Variants in FBP1 observed in about 807,000 individuals in gnomAD.
The protein encoded by FBP1 is fructose-bisphosphatase 1.
In FBP1, 22 loss-of-function variants were observed where a neutral mutation model predicts 29.9. The ratio of observed to expected loss-of-function variants is 0.74; its 90% confidence interval spans 0.53 to 1.05. The LOEUF is 1.05. Ranked by LOEUF, FBP1 falls within the 50% of genes least tolerant of loss-of-function variation. The pLI is 0.00. For synonymous variants in FBP1, 175 were observed against 178.6 expected (o/e 0.98, Z 0.16); for missense variants, 345 against 448.2 (o/e 0.77, Z 2.08).
intron 3 of FBP1, among the ~76,000 whole-genome samples, chr9:94,613,633 T>C (rs936014665): frequency 6.6e-6 from 1 of 151,880 alleles, no homozygotes; most frequent in Non-Finnish European, 1.5e-5. Flanking sequence ...CCAGGTGTGG[T>C]GGTGCACCTG....
At chr9:94,612,549 A>ATTTTTTT (rs561246840) in intron 3 of FBP1, among the ~76,000 whole-genome samples, 3 of 108,028 alleles carry the variant, frequency 2.8e-5, no homozygotes, top group Non-Finnish European at 3.7e-5. Context: ...CCAGCCCCCA[A>ATTTTTTT]TTTTTTTTTT....
intron 1 of FBP1, among the ~76,000 whole-genome samples, chr9:94,637,729 A>G (rs2131507615): frequency 6.6e-6 from 1 of 151,920 alleles, no homozygotes; most frequent in South Asian, 2.1e-4. Context: ...AAGTGCGGGG[A>G]ATGTTAGTAA....
intron 3 of FBP1, among the ~76,000 whole-genome samples, chr9:94,614,498 C>A (rs1827835022): frequency 6.6e-6 from 1 of 152,112 alleles, no homozygotes; most frequent in Admixed American, 6.6e-5. Flanking sequence ...TGAGATGGCG[C>A]CACTGCACTC....
chr9:94,639,026 A>T (rs1828241264), intron 1 of FBP1, 115 bp downstream of exon 1: 3 of 1,048,626 alleles, frequency 2.9e-6, no homozygotes, highest in Non-Finnish European at 4.3e-6. Flanking sequence ...CTCAGACATC[A>T]GACGGACAGA....
chr9:94,613,635 G>T (rs544013544), intron 3 of FBP1, among the ~76,000 whole-genome samples: 1 of 152,214 alleles, frequency 6.6e-6, no homozygotes, highest in South Asian at 2.1e-4. Context: ...AGGTGTGGTG[G>T]TGCACCTGTA....
intron 2 of FBP1, among the ~76,000 whole-genome samples, chr9:94,618,222 A>G (rs1206020789): frequency 6.6e-6 from 1 of 152,134 alleles, no homozygotes; most frequent in Admixed American, 6.6e-5. Flanking sequence ...GTAAGGAAAA[A>G]AATAATTCCT....
chr9:94,606,659 C>G (rs1827704467), intron 5 of FBP1, among the ~76,000 whole-genome samples, 156 bp downstream of exon 5: 3 of 152,152 alleles, frequency 2.0e-5, no homozygotes, highest in African/African-American at 7.2e-5. Context: ...AAGTCATCAA[C>G]CAATAGATTT....
intron 1 of FBP1, among the ~76,000 whole-genome samples, chr9:94,626,172 G>A (rs1255657778): frequency 6.6e-6 from 1 of 152,346 alleles, no homozygotes; most frequent in African/African-American, 2.4e-5. Flanking sequence ...TCTTTGAAGT[G>A]TAAGAGAACA....
intron 1 of FBP1, among the ~76,000 whole-genome samples, chr9:94,627,941 C>T (rs1380209912): frequency 2.6e-5 from 4 of 152,198 alleles, no homozygotes; most frequent in Admixed American, 6.5e-5. Flanking sequence ...AGCTCCCTTC[C>T]CCTACCTCCC....
chr9:94,610,954 C>T (rs1238810898), intron 3 of FBP1, among the ~76,000 whole-genome samples: 9 of 151,744 alleles, frequency 5.9e-5, no homozygotes, highest in African/African-American at 1.5e-4. Context: ...AGCTCCGCCT[C>T]GCGGGTTCAC....
At chr9:94,609,899 A>C in intron 4 of FBP1, 22 bp downstream of exon 4, 1 of 1,613,702 alleles carries the variant, frequency 6.2e-7, no homozygotes, top group Non-Finnish European at 8.5e-7. Context: ...CCAAGCCCCC[A>C]GCCTCCTGTG....
intron 3 of FBP1, among the ~76,000 whole-genome samples, chr9:94,617,477 C>G (rs1202077046): frequency 3.3e-5 from 5 of 152,194 alleles, no homozygotes; most frequent in Non-Finnish European, 7.3e-5. Flanking sequence ...TACTTACCCT[C>G]TACTGCCTCT....
chr9:94,626,670 A>AG, intron 1 of FBP1, among the ~76,000 whole-genome samples: 1 of 152,302 alleles, frequency 6.6e-6, no homozygotes, highest in East Asian at 1.9e-4. Context: ...GAGAGGAAAA[A>AG]TTCCTCAGAA....
In FBP1 at chr9:94,618,398, A is replaced by T. The variant is rs555951456; in HGVS notation, c.334-538T>A. 4.9e-4 allele frequency among the ~76,000 whole-genome samples: 67 copies of T among 137,838 alleles called. 1 individual carries two copies. The highest frequency in any genetic ancestry group is 4.6e-4 in the East Asian group (2 of 4,316). 90.4% of individuals were successfully genotyped at this position (137,838 alleles called of 152,430 possible). A position where few individuals can be genotyped will look rare whatever the true frequency, so the allele number is the denominator to read the frequency against. On this transcript the variant is annotated intron_variant, in intron 2 of 6. Transcript: ENST00000375326. ...CACTTTGGGAGGCTAAGACAGGAGG[A>T]TTGCTTGAGCCCAGGAGTTTGAGAC...
rs191407638 is a variant in FBP1 at position 94,618,160 on chromosome 9, T to C, written c.334-300A>G. ...AATCAAATCATAATTTTGCATTGAGTTTCCTGGCAGCCAAAGGAAAAAGAA... is the reference window on the plus strand; with the variant it reads ...AATCAAATCATAATTTTGCATTGAGCTTCCTGGCAGCCAAAGGAAAAAGAA... On this transcript the variant is annotated intron_variant, in intron 2 of 6. Transcript: ENST00000375326. Among the ~76,000 whole-genome samples, 6 of 152,030 alleles carry C rather than the reference T, an allele frequency of 3.9e-5. No homozygotes were observed. The East Asian group carries it at 1.2e-3, about 29-fold the overall frequency.
intron 1 of FBP1, among the ~76,000 whole-genome samples, chr9:94,637,520 TC>T (rs1329134389): frequency 2.0e-5 from 3 of 151,316 alleles, no homozygotes; most frequent in Non-Finnish European, 4.4e-5. Flanking sequence ...TTCCTCAGCC[TC>T]CCGAGTAGCT....
At chr9:94,618,707 G>A (rs375131927) in intron 2 of FBP1, among the ~76,000 whole-genome samples, 2 of 152,074 alleles carry the variant, frequency 1.3e-5, no homozygotes. Flanking sequence ...AGTGGTAGTG[G>A]GAATACCGCA....
intron 1 of FBP1, among the ~76,000 whole-genome samples, chr9:94,625,420 C>G (rs2131495505): frequency 6.6e-6 from 1 of 152,272 alleles, no homozygotes; most frequent in East Asian, 1.9e-4. Context: ...GGCCCGCATC[C>G]ACCAAGCCAT....
chr9:94,622,226 T>C (rs1827959856), intron 1 of FBP1, among the ~76,000 whole-genome samples: 1 of 152,212 alleles, frequency 6.6e-6, no homozygotes, highest in Non-Finnish European at 1.5e-5. Flanking sequence ...CAGGTTGTCA[T>C]AGCCTGGGGT....
Sources: gnomAD v4.1 joint callset for allele counts (sites outside exome capture counted in the v4.1 genomes callset) on GRCh38, gnomAD v4.1.1 for gene constraint, MANE v1.5 for transcripts, NCBI Gene and HGNC (gene_info 2026-07-23, HGNC 2026-07-21) for gene names.